The following STAG1 variants were observed in gnomAD, a reference collection of about 807,000 sequenced individuals.
STAG1 encodes STAG1 cohesin complex component, also known as cohesin subunit SA-1.
STAG1 carries 26 observed loss-of-function variants against 170.9 expected under a neutral mutation model. The ratio of observed to expected loss-of-function variants is 0.15; its 90% CI spans 0.11 to 0.21. The LOEUF is 0.21. Among genes scored for constraint, STAG1 ranks in the 10% least tolerant of loss-of-function variants. STAG1 has a pLI of 1.00. For missense variants in STAG1, 964 were observed against 1,509.5 expected (o/e 0.64, Z 5.99); for synonymous variants, 514 against 497.7 (o/e 1.03, Z -0.44).
At chr3:136,697,059 C>T (rs947219269) in intron 1 of STAG1, among the ~76,000 whole-genome samples, 12 of 152,128 alleles carry the variant, frequency 7.9e-5, no homozygotes, top group East Asian at 5.8e-4. Flanking sequence ...ACATCTGTGG[C>T]GATATTCTTT....
chr3:136,733,432 T>C (rs1350361676), intron 1 of STAG1, among the ~76,000 whole-genome samples: 1 of 152,114 alleles, frequency 6.6e-6, no homozygotes, highest in Non-Finnish European at 1.5e-5. Flanking sequence ...GGGCAACTCC[T>C]TTTACTTTTG....
At chr3:136,512,762 C>T (rs1934136859) in intron 7 of STAG1, among the ~76,000 whole-genome samples, 1 of 151,930 alleles carries the variant, frequency 6.6e-6, no homozygotes, top group Non-Finnish European at 1.5e-5. Context: ...AACTGACCAC[C>T]AGACTGCTCG....
chr3:136,723,818 T>C (rs1218235052), intron 1 of STAG1, among the ~76,000 whole-genome samples: 1 of 123,904 alleles, frequency 8.1e-6, no homozygotes, highest in South Asian at 3.0e-4. Flanking sequence ...AGCCGCCCCG[T>C]CCGGGAGGGA....
At chr3:136,346,867 G>A (rs1936241940) in intron 29 of STAG1, among the ~76,000 whole-genome samples, 1 of 152,220 alleles carries the variant, frequency 6.6e-6, no homozygotes, top group African/African-American at 2.4e-5. Context: ...GGGACACTGA[G>A]GCATGTGGAT....
chr3:136,532,006 CA>C (rs1935400598), intron 6 of STAG1, among the ~76,000 whole-genome samples: 1 of 149,744 alleles, frequency 6.7e-6, no homozygotes, highest in African/African-American at 2.5e-5. Flanking sequence ...GCAAAATTAA[CA>C]GCAGAAAAGA....
At chr3:136,641,534 C>A (rs1337860900) in intron 1 of STAG1, among the ~76,000 whole-genome samples, 1 of 152,150 alleles carries the variant, frequency 6.6e-6, no homozygotes, top group African/African-American at 2.4e-5. Context: ...GCCAAAAATG[C>A]ATAACCTGAA....
rs116845858 is a variant in STAG1, at chr3:136,455,862, T to C, written c.1314-3715A>G. On this transcript the variant is annotated intron_variant, in intron 13 of 33. Coordinates refer to ENST00000383202, the MANE Select transcript of STAG1 (RefSeq NM_005862.3). ...TTGGGAAATAATGTAAGGCCAGCAA[T>C]ATAGTTCCAGGGAAGTGTTTAAGCT... Among the ~76,000 whole-genome samples, 306 of 152,274 alleles carry C rather than the reference T, an allele frequency of 2.0e-3. 8 individuals are homozygous for C. The East Asian group carries it at 0.049, about 24-fold the overall frequency.
chr3:136,365,428 G>C (rs948536661), intron 25 of STAG1, among the ~76,000 whole-genome samples: 4 of 152,074 alleles, frequency 2.6e-5, no homozygotes, highest in African/African-American at 9.7e-5. Context: ...GTGAAGAATA[G>C]GAAAGGTGCT....
rs191630140 is a variant in STAG1, at chr3:136,373,146, A to G, written c.2371-3864T>C. On this transcript the variant is annotated intron_variant, in intron 23 of 33. Transcript: ENST00000383202. ...CTAGTTTATTTGCATAGAGGTGTTTATAGTATTCTCTAATGGTAGTTTGTA... is the reference window on the plus strand; with the variant it reads ...CTAGTTTATTTGCATAGAGGTGTTTGTAGTATTCTCTAATGGTAGTTTGTA... Among the ~76,000 whole-genome samples the G allele has an allele frequency of 1.6e-3, 243 of 152,306 alleles. 1 individual carries two copies. The highest frequency in any genetic ancestry group is 5.7e-3 in the African/African-American group (235 of 41,560).
At chr3:136,604,878 G>A (rs1938862149) in intron 3 of STAG1, among the ~76,000 whole-genome samples, 1 of 152,112 alleles carries the variant, frequency 6.6e-6, no homozygotes, top group Non-Finnish European at 1.5e-5. Context: ...TCGTACTCCT[G>A]ACCTCAAATG....
At chr3:136,708,034 A>G (rs1273871141) in intron 1 of STAG1, among the ~76,000 whole-genome samples, 1 of 152,220 alleles carries the variant, frequency 6.6e-6, no homozygotes, top group Non-Finnish European at 1.5e-5. Flanking sequence ...AGGAACTCTC[A>G]TACATTGCTA....
intron 22 of STAG1, among the ~76,000 whole-genome samples, chr3:136,389,716 T>C (rs1576418161): frequency 6.6e-6 from 1 of 151,998 alleles, no homozygotes. Context: ...GATGGGGTTT[T>C]ACCATGTTGG....
At chr3:136,572,735 G>A (rs1937314376) in intron 4 of STAG1, among the ~76,000 whole-genome samples, 1 of 151,776 alleles carries the variant, frequency 6.6e-6, no homozygotes, top group Non-Finnish European at 1.5e-5. Context: ...CTTCCACTAT[G>A]ACAAAGGAGA....
intron 12 of STAG1, among the ~76,000 whole-genome samples, chr3:136,466,371 G>A (rs898211476): frequency 2.6e-5 from 4 of 152,184 alleles, no homozygotes; most frequent in African/African-American, 9.7e-5. Context: ...AGCTTCAGTA[G>A]CCAATTCGAT....
Position 136,513,067 on chromosome 3 carries a change from C to T in STAG1, c.676+8146G>A, listed in dbSNP as rs1217794692. On this transcript the variant is annotated intron_variant, in intron 7 of 33. Transcript: ENST00000383202. The stretch of plus-strand genomic sequence containing the variant: ...TATTTCAAAAAAGGGAGACTTGGGC[C>T]GGGTGTAGTGGCCCAAGTGGCGGGG... Among the ~76,000 whole-genome samples the T allele has an allele frequency of 2.0e-5, 3 of 152,084 alleles. 1 individual carries two copies. Among genetic ancestry groups the T allele is most frequent in the South Asian group, 4.2e-4 (2 of 4,810 alleles).
chr3:136,448,199 T>C (rs1008520987), intron 14 of STAG1, among the ~76,000 whole-genome samples: 1 of 152,196 alleles, frequency 6.6e-6, no homozygotes, highest in South Asian at 2.1e-4. Context: ...TCTACTAAAA[T>C]GTTACTACTT....
chr3:136,698,598 C>A (rs1370840874), intron 1 of STAG1, among the ~76,000 whole-genome samples: 1 of 152,056 alleles, frequency 6.6e-6, no homozygotes, highest in Non-Finnish European at 1.5e-5. Context: ...ATTACTTAAA[C>A]AAAAGTAGAA....
intron 5 of STAG1, among the ~76,000 whole-genome samples, chr3:136,564,830 G>A (rs978805890): frequency 1.3e-5 from 2 of 151,644 alleles, no homozygotes; most frequent in African/African-American, 2.4e-5. Context: ...AATTAACCAT[G>A]GATTAACAGC....
chr3:136,458,138 T>G (rs187341779), intron 13 of STAG1, among the ~76,000 whole-genome samples: 294 of 151,854 alleles, frequency 1.9e-3, no homozygotes, highest in Non-Finnish European at 3.0e-3. Flanking sequence ...TTTTTCTGTG[T>G]TTTTTTTCTG....
Sources: allele counts gnomAD v4.1 joint callset (sites outside exome capture counted in the v4.1 genomes callset), GRCh38; gene constraint gnomAD v4.1.1; transcripts MANE v1.5; gene names NCBI Gene and HGNC (gene_info 2026-07-23, HGNC 2026-07-21).